Variants in IMMP2L observed in about 807,000 individuals in gnomAD.
The protein encoded by IMMP2L is inner mitochondrial membrane peptidase subunit 2, also known as mitochondrial inner membrane protease subunit 2.
A neutral mutation model predicts 19.3 loss-of-function variants in IMMP2L; 18 were observed. The ratio of observed to expected loss-of-function variants is 0.93; its 90% confidence interval spans 0.64 to 1.38. The LOEUF is 1.38. Ranked by LOEUF, IMMP2L falls within the 40% of genes most tolerant of loss-of-function variation. The pLI, the probability that IMMP2L is intolerant of heterozygous loss-of-function variation, is 0.00. For missense variants in IMMP2L, 233 were observed against 218.2 expected (o/e 1.07, Z -0.43); for synonymous variants, 76 against 73.0 (o/e 1.04, Z -0.21).
chr7:111,363,434 C>G (rs1176398681), intron 3 of IMMP2L, among the ~76,000 whole-genome samples: 1 of 152,046 alleles, frequency 6.6e-6, no homozygotes, highest in Non-Finnish European at 1.5e-5. Flanking sequence ...AAAAAACATA[C>G]CTCTTGTAGA....
In IMMP2L at chr7:110,903,628, CACA is replaced by C. The variant is rs1383365998; in HGVS notation, c.306-16936_306-16934del. Among the ~76,000 whole-genome samples, 6 of 152,114 alleles carry C rather than the reference CACA, an allele frequency of 3.9e-5. No individual in the cohort carries two copies. In the South Asian group the frequency reaches 1.0e-3, roughly 26 times the overall value. ...AGAATAGTATTCCATTGTATGTCTA[CACA>C]ACATTTTCTTTATCCATTCACCTGC... On this transcript the variant is annotated intron_variant, in intron 4 of 5. Coordinates refer to ENST00000405709, the MANE Select transcript of IMMP2L (RefSeq NM_032549.4).
chr7:111,348,031 C>T (rs940231003), intron 3 of IMMP2L, among the ~76,000 whole-genome samples: 1 of 151,116 alleles, frequency 6.6e-6, no homozygotes, highest in African/African-American at 2.4e-5. Context: ...AGCAAACTAT[C>T]GCAAGGACAG....
intron 3 of IMMP2L, among the ~76,000 whole-genome samples, chr7:111,303,978 G>A (rs1315474459): frequency 6.6e-6 from 1 of 151,318 alleles, no homozygotes; most frequent in Admixed American, 6.6e-5. Flanking sequence ...TATAGGAAAA[G>A]AAAAAAAACA....
intron 3 of IMMP2L, among the ~76,000 whole-genome samples, chr7:110,989,827 A>G (rs1232106644): frequency 6.6e-6 from 1 of 151,938 alleles, no homozygotes; most frequent in Non-Finnish European, 1.5e-5. Flanking sequence ...AACCTTTTAA[A>G]AGAAATGTTG....
At chr7:110,778,136 A>G (rs1407706326) in intron 5 of IMMP2L, among the ~76,000 whole-genome samples, 1 of 151,978 alleles carries the variant, frequency 6.6e-6, no homozygotes, top group Non-Finnish European at 1.5e-5. Flanking sequence ...TTGTCATACA[A>G]AAGTTTTCCA....
intron 5 of IMMP2L, among the ~76,000 whole-genome samples, chr7:110,838,972 A>G (rs1237418781): frequency 6.6e-6 from 1 of 152,116 alleles, no homozygotes; most frequent in African/African-American, 2.4e-5. Flanking sequence ...CTTTAGATCT[A>G]GTAGATGTTC....
chr7:111,084,829 G>C (rs1032056546), intron 3 of IMMP2L, among the ~76,000 whole-genome samples: 2 of 152,276 alleles, frequency 1.3e-5, no homozygotes, highest in Non-Finnish European at 2.9e-5. Flanking sequence ...TATGATTGTA[G>C]CAAATATTGA....
chr7:110,802,327 GTGTA>G (rs1801310359), intron 5 of IMMP2L, among the ~76,000 whole-genome samples: 1 of 66,698 alleles, frequency 1.5e-5, no homozygotes, highest in East Asian at 5.8e-4. Context: ...GTGTGTATGT[GTGTA>G]TGTGTGTGTG....
intron 5 of IMMP2L, among the ~76,000 whole-genome samples, chr7:110,767,017 G>A (rs1048142858): frequency 2.3e-4 from 35 of 152,262 alleles, no homozygotes; most frequent in African/African-American, 8.4e-4. Context: ...CATTTAAAAT[G>A]ACTTCATTAA....
intron 3 of IMMP2L, among the ~76,000 whole-genome samples, chr7:110,999,272 G>C (rs1823373014): frequency 1.3e-5 from 2 of 150,580 alleles, no homozygotes; most frequent in Admixed American, 1.3e-4. Flanking sequence ...GTCTGGAAAT[G>C]GTCTGCTACT....
chr7:110,964,031 A>G (rs1008290746), intron 3 of IMMP2L, among the ~76,000 whole-genome samples: 3 of 150,668 alleles, frequency 2.0e-5, no homozygotes, highest in African/African-American at 7.3e-5. Flanking sequence ...ACGAGATTTT[A>G]TGATTTAAGA....
At chr7:111,136,177 G>A (rs1364281113) in intron 3 of IMMP2L, among the ~76,000 whole-genome samples, 7 of 151,762 alleles carry the variant, frequency 4.6e-5, no homozygotes, top group Non-Finnish European at 7.4e-5. Flanking sequence ...ACAGGCACCC[G>A]CCACCATGCC....
chr7:111,348,536 A>G (rs1192419011), intron 3 of IMMP2L, among the ~76,000 whole-genome samples: 1 of 152,134 alleles, frequency 6.6e-6, no homozygotes, highest in Admixed American at 6.6e-5. Context: ...TCAGTATGTT[A>G]GAAACCAAAT....
At chr7:111,140,325 T>C (rs1223782040) in intron 3 of IMMP2L, among the ~76,000 whole-genome samples, 2 of 152,150 alleles carry the variant, frequency 1.3e-5, no homozygotes, top group Admixed American at 6.6e-5. Context: ...AAAAAACTGG[T>C]TGGCAAAGGC....
intron 5 of IMMP2L, among the ~76,000 whole-genome samples, chr7:110,748,935 T>C (rs1473834057): frequency 3.3e-5 from 5 of 151,962 alleles, no homozygotes; most frequent in African/African-American, 4.8e-5. Flanking sequence ...TGCACAGCAA[T>C]AGAAACTATC....
chr7:110,735,463 G>A (rs1796553504), intron 5 of IMMP2L, among the ~76,000 whole-genome samples: 1 of 151,808 alleles, frequency 6.6e-6, no homozygotes, highest in Non-Finnish European at 1.5e-5. Flanking sequence ...CCCAGACAAT[G>A]AGGCCACTTC....
At chr7:111,183,288 T>C (rs1346527969) in intron 3 of IMMP2L, among the ~76,000 whole-genome samples, 3 of 152,130 alleles carry the variant, frequency 2.0e-5, no homozygotes, top group Non-Finnish European at 4.4e-5. Flanking sequence ...TGATGTATGC[T>C]AATGTAAGCC....
intron 3 of IMMP2L, chr7:111,124,749 C>G (rs775332677): frequency 6.2e-7 from 1 of 1,613,814 alleles, no homozygotes; most frequent in Admixed American, 1.7e-5. Context: ...ATGGTGGACA[C>G]AGCTATGTGA....
intron 5 of IMMP2L, among the ~76,000 whole-genome samples, chr7:110,879,486 G>C (rs1347125579): frequency 6.6e-6 from 1 of 151,970 alleles, no homozygotes; most frequent in African/African-American, 2.4e-5. Flanking sequence ...TCAGATATAA[G>C]TACTGTAACT....
Sources: allele counts gnomAD v4.1 joint callset (sites outside exome capture counted in the v4.1 genomes callset), GRCh38; gene constraint gnomAD v4.1.1; transcripts MANE v1.5; gene names NCBI Gene and HGNC (gene_info 2026-07-23, HGNC 2026-07-21).